Variants in ZNF668 observed in about 807,000 individuals in gnomAD.
The protein encoded by ZNF668 is zinc finger protein 668.
Under a neutral mutation model 40.3 loss-of-function variants are expected in ZNF668, and 10 were observed. The observed-to-expected ratio is 0.25, with a 90% CI of 0.15 to 0.42. The LOEUF (loss-of-function observed/expected upper bound fraction) is 0.42. ZNF668 is among the 10% of genes least tolerant of loss of function. The pLI, the probability that ZNF668 is intolerant of heterozygous loss-of-function variation, is 1.00. For synonymous variants in ZNF668, 428 were observed against 384.6 expected, an observed-to-expected ratio of 1.11 and a Z score of -1.32; for missense variants, 749 against 904.6, an observed-to-expected ratio of 0.83 and a Z score of 2.21.
intron 1 of ZNF668, chr16:31,064,973 C>T (rs2056970767): frequency 2.4e-6 from 3 of 1,249,196 alleles, no homozygotes; most frequent in Non-Finnish European, 2.0e-6. Flanking sequence ...GTGACAGGTC[C>T]CCAGCATTTG....
intron 1 of ZNF668, among the ~76,000 whole-genome samples, chr16:31,071,959 A>G (rs556510881): frequency 6.6e-6 from 1 of 152,320 alleles, no homozygotes; most frequent in Admixed American, 6.5e-5. Flanking sequence ...TTGTGACTGT[A>G]TTTGGAGACA....
chr16:31,072,427 A>G (rs1407918423), intron 1 of ZNF668, among the ~76,000 whole-genome samples: 2 of 152,194 alleles, frequency 1.3e-5, no homozygotes, highest in Admixed American at 6.5e-5. Flanking sequence ...TATTGCCCCA[A>G]TATCCCACAG....
intron 1 of ZNF668, among the ~76,000 whole-genome samples, chr16:31,069,575 C>T (rs766260154): frequency 6.6e-6 from 1 of 151,824 alleles, no homozygotes; most frequent in African/African-American, 2.4e-5. Flanking sequence ...CAAATTTTTT[C>T]CTTTTTTAAC....
intron 1 of ZNF668, chr16:31,064,764 T>A: frequency 6.7e-7 from 1 of 1,500,104 alleles, no homozygotes; most frequent in Non-Finnish European, 8.8e-7. Flanking sequence ...CCAAACACTG[T>A]GGCATTCCCA....
chr16:31,063,670 A>G (rs956206970), intron 2 of ZNF668, 143 bp downstream of exon 2: 7 of 963,802 alleles, frequency 7.3e-6, no homozygotes, highest in Non-Finnish European at 1.0e-5. Context: ...TTTCTCCCAC[A>G]TGCCTAGCCC....
At chr16:31,063,764 C>A in intron 2 of ZNF668, 49 bp downstream of exon 2, 1 of 1,469,294 alleles carries the variant, frequency 6.8e-7, no homozygotes, top group Middle Eastern at 2.5e-4. Context: ...GCTGCAGCAA[C>A]GCTGTCGCCC....
chr16:31,062,422 CAG>C (rs2143757762), intron 2 of ZNF668, 142 bp from the exon 3 acceptor site: 1 of 1,220,224 alleles, frequency 8.2e-7, no homozygotes, highest in Admixed American at 3.0e-5. Context: ...GGCTGCACCC[CAG>C]AGGAAGAAGC....
At chr16:31,068,238 AAATATATATAT>A (rs1482052495) in intron 1 of ZNF668, among the ~76,000 whole-genome samples, 1 of 91,820 alleles carries the variant, frequency 1.1e-5, no homozygotes, top group African/African-American at 5.4e-5. Flanking sequence ...AAAAAAAAAA[AAATATATATAT>A]ATATATATAT....
At position 31,061,347 on chromosome 16, in the gene ZNF668, T is replaced by G. The variant is rs757205326; in HGVS notation, c.1581A>C (p.Thr527=). Residue 527 remains threonine (T), a synonymous_variant, in exon 3 of 3, where the codon ACA becomes ACC. Coordinates refer to ENST00000300849, the MANE Select transcript of ZNF668 (RefSeq NM_024706.5). This position sits in a 1 kb window ranked among gnomAD's most constrained non-coding sequence, Gnocchi z 7.7. ...GCTCGTGCCGACGCAGCAGCGTCATTGTGGAGAAGGTCTCCTTGCACTCTC... is the reference window on the plus strand; with the variant it reads ...GCTCGTGCCGACGCAGCAGCGTCATGGTGGAGAAGGTCTCCTTGCACTCTC... The part of the protein sequence containing the change: ...VCRECKETFS[T]MTLLRRHERS... 3 of 1,609,370 alleles carry G rather than the reference T, an allele frequency of 1.9e-6. No homozygotes were observed. In the Admixed American group the frequency reaches 5.0e-5, roughly 27 times the overall value.
chr16:31,063,940 C>T lies in ZNF668; in HGVS notation c.520G>A (p.Gly174Ser), dbSNP rs2056958450. 2.5e-6 allele frequency: 4 copies of T among 1,601,780 alleles called. No individual in the cohort carries two copies. Among genetic ancestry groups the T allele is most frequent in the African/African-American group, 2.7e-5 (2 of 74,602 alleles). ...GERPYACADC[G>S]KSFADPSVFR... is the part of the protein sequence containing the mutation. ...ACTGAAGGGTCAGCAAAGCTCTTGC[C>T]GCAGTCGGCGCAGGCGTAAGGCCGC... is the stretch of plus-strand genomic sequence containing the variant. Residue 174 changes from glycine to serine, a missense_variant, in exon 2 of 3, where the codon GGC (glycine) becomes AGC (serine). Coordinates refer to ENST00000300849, the MANE Select transcript of ZNF668 (RefSeq NM_024706.5).
At position 31,061,207 on chromosome 16, in the gene ZNF668, C is replaced by A. The variant is rs1360515077; in HGVS notation, c.1721G>T (p.Cys574Phe). 6.6e-7 allele frequency: 1 copy of A among 1,522,590 alleles called. No individual in the cohort carries two copies. The highest frequency in any genetic ancestry group is 1.3e-5 in the South Asian group (1 of 75,832). 94.3% of individuals were successfully genotyped at this position (1,522,590 alleles called of 1,614,324 possible). A position where few individuals can be genotyped will look rare whatever the true frequency, so the allele number is the denominator to read the frequency against. Residue 574 changes from cysteine (C) to phenylalanine (F), a missense_variant, in exon 3 of 3, where the codon TGC becomes TTC. Physicochemically the swap from Cys to Phe is radical, Grantham distance 205. Around this residue, in one of 4 missense-constraint regions of ZNF668, gnomAD observed 310 missense variants for 355.1 expected, o/e 0.87. Transcript: ENST00000300849. This position sits in a 1 kb window ranked among gnomAD's most constrained non-coding sequence, Gnocchi z 7.7. ...CAAGAAGGCCTTGGGACAATGGGGG[C>A]AGGTGTAGGGGCGCACTGAGCTGTG... The part of the protein sequence containing the change: ...RTHSSVRPYT[C>F]PHCPKAFLSA...
In ZNF668 at chr16:31,068,413, G is replaced by A. The variant is rs536853010; in HGVS notation, c.-22-3932C>T. Among the ~76,000 whole-genome samples the A allele has an allele frequency of 2.1e-4, 31 of 150,230 alleles. No homozygotes were observed. The East Asian group carries it at 3.5e-3, about 17-fold the overall frequency. ...AGTTTTTTGTATTTTTAGTAGAGAC[G>A]GGGTTTCACTGTGTTAGCCAGGATG... is the stretch of plus-strand genomic sequence containing the variant. On this transcript the variant is annotated intron_variant, in intron 1 of 2. Coordinates refer to ENST00000300849, the MANE Select transcript of ZNF668 (RefSeq NM_024706.5).
At chr16:31,071,517 G>A (rs937876786) in intron 1 of ZNF668, among the ~76,000 whole-genome samples, 42 of 152,214 alleles carry the variant, frequency 2.8e-4, no homozygotes, top group African/African-American at 9.2e-4. Flanking sequence ...GGAGTGCAGT[G>A]GCTCAATCAT....
chr16:31,068,244 A>T (rs1298688258), intron 1 of ZNF668, among the ~76,000 whole-genome samples: 1 of 85,594 alleles, frequency 1.2e-5, no homozygotes, highest in Non-Finnish European at 2.3e-5. Flanking sequence ...AAAAAAATAT[A>T]TATATATATA....
At chr16:31,068,465 G>A (rs1442119103) in intron 1 of ZNF668, among the ~76,000 whole-genome samples, 8 of 149,590 alleles carry the variant, frequency 5.3e-5, no homozygotes, top group South Asian at 4.2e-4. Context: ...CTCGTGATCC[G>A]ACCGCCTCGG....
rs990546238 is a variant in ZNF668 at position 31,073,875 on chromosome 16, C to G, written c.-239G>C. The G allele has an allele frequency of 2.0e-5, 3 of 152,184 alleles. No individual in the cohort carries two copies. The highest frequency in any genetic ancestry group is 7.2e-5 in the African/African-American group (3 of 41,436). 9.4% of individuals were successfully genotyped at this position (152,184 alleles called of 1,614,324 possible). A position where few individuals can be genotyped will look rare whatever the true frequency, so the allele number is the denominator to read the frequency against. On this transcript the variant is annotated 5_prime_UTR_variant, in exon 1 of 3. Transcript: ENST00000300849. ...CCTATGGCGGCAGAGAAGCATCTTG[C>G]AAGAGGTCTCTGTGTGTGCTGAGGC...
At position 31,061,508 on chromosome 16, in the gene ZNF668, A is replaced by G. The variant is rs2056924441; in HGVS notation, c.1420T>C (p.Trp474Arg). The G allele has an allele frequency of 1.9e-6, 3 of 1,612,714 alleles. No individual in the cohort carries two copies. Among genetic ancestry groups the G allele is most frequent in the Non-Finnish European group, 2.5e-6 (3 of 1,179,952 alleles). ...TCCACCGTCATGCCCACCACCTGCCACTGTGTGGCCATCACACCACCTGAC... is the reference window on the plus strand; with the variant it reads ...TCCACCGTCATGCCCACCACCTGCCGCTGTGTGGCCATCACACCACCTGAC... ...PESGGVMATQ[W>R]QVVGMTVEHV... The change falls in exon 3 of 3, where the codon TGG becomes CGG. Residue 474 changes from tryptophan (W) to arginine (R), a missense_variant. Physicochemically the swap from Trp to Arg is moderately radical, Grantham distance 101 (BLOSUM62 -3). Coordinates refer to ENST00000300849, the MANE Select transcript of ZNF668 (RefSeq NM_024706.5). This position sits in a 1 kb window ranked among gnomAD's most constrained non-coding sequence, Gnocchi z 7.7.
chr16:31,063,584 G>A (rs568359830), intron 2 of ZNF668, among the ~76,000 whole-genome samples: 11 of 152,118 alleles, frequency 7.2e-5, no homozygotes, highest in Non-Finnish European at 1.5e-4. Flanking sequence ...CTACAACGGA[G>A]GCCAATCTGA....
intron 2 of ZNF668, 131 bp downstream of exon 2, chr16:31,063,682 T>G (rs1450193002): frequency 9.4e-7 from 1 of 1,067,534 alleles, no homozygotes; most frequent in African/African-American, 1.6e-5. Context: ...GCCTAGCCCC[T>G]CCCCTTGGAT....
Sources: gnomAD v4.1 joint callset for allele counts (sites outside exome capture counted in the v4.1 genomes callset) on GRCh38, gnomAD v4.1.1 for gene constraint, gnomAD v4.1.1 regional missense constraint, Gnocchi (gnomAD v3.1) non-coding constraint, MANE v1.5 for transcripts, NCBI Gene and HGNC (gene_info 2026-07-23, HGNC 2026-07-21) for gene names.